CR2: variants seen among roughly 807,000 people sequenced by gnomAD.
CR2 encodes the protein complement C3d receptor 2.
In CR2, 96 loss-of-function variants were observed where a neutral mutation model predicts 123.0. The ratio of observed to expected loss-of-function variants is 0.78; its 90% CI spans 0.66 to 0.93. The LOEUF is 0.93. CR2 is among the 40% of genes least tolerant of loss of function. The pLI, the probability that CR2 is intolerant of heterozygous loss-of-function variation, is 0.00. For synonymous variants in CR2, 484 were observed against 469.5 expected (o/e 1.03, Z -0.40); for missense variants, 1,258 against 1,361.0 (o/e 0.92, Z 1.19).
chr1:207,459,411 C>T (rs935333823), intron 1 of CR2, among the ~76,000 whole-genome samples: 1 of 151,734 alleles, frequency 6.6e-6, no homozygotes, highest in African/African-American at 2.4e-5. Flanking sequence ...AGGCAGGAAA[C>T]CCAGTATTAA....
intron 4 of CR2, 62 bp from the exon 5 acceptor site, chr1:207,469,088 G>C: frequency 1.4e-6 from 2 of 1,449,442 alleles, no homozygotes; most frequent in Non-Finnish European, 1.9e-6. Context: ...ATTGTAAGTA[G>C]AGGCTGCTGT....
intron 1 of CR2, among the ~76,000 whole-genome samples, chr1:207,461,790 A>G (rs961468592): frequency 1.3e-5 from 2 of 152,182 alleles, no homozygotes; most frequent in Non-Finnish European, 2.9e-5. Context: ...GCAGTTCTGT[A>G]AAGGTGAGTA....
intron 14 of CR2, 55 bp downstream of exon 14, chr1:207,475,271 G>A: frequency 6.3e-7 from 1 of 1,591,024 alleles, no homozygotes; most frequent in Non-Finnish European, 8.6e-7. Flanking sequence ...AAAGAAAAGA[G>A]GTTTTGAATC....
chr1:207,458,791 CTTAT>C (rs983574691), intron 1 of CR2, among the ~76,000 whole-genome samples: 1 of 152,174 alleles, frequency 6.6e-6, no homozygotes, highest in African/African-American at 2.4e-5. Flanking sequence ...TCAGCACCTT[CTTAT>C]TTATTTCCTG....
chr1:207,454,372 C>T lies in CR2; in HGVS notation c.-47C>T. 6.6e-7 allele frequency: 1 copy of T among 1,526,046 alleles called. No individual in the cohort carries two copies. The allele number at this position is 1,526,046 out of a possible 1,614,324, so 94.5% of individuals were successfully genotyped here. ...CTTGCCCTCCCAGAGCTGCCGGACG[C>T]TCGCGGGTCTCGGAACGCATCCCGC... On this transcript the variant is annotated 5_prime_UTR_variant, in exon 1 of 20. Coordinates refer to ENST00000367057, the MANE Select transcript of CR2 (RefSeq NM_001006658.3). The surrounding 1 kb of genome is among the most constrained non-coding windows in gnomAD (Gnocchi z 4.3).
chr1:207,479,314 T>C, intron 17 of CR2, 34 bp downstream of exon 17: 1 of 1,513,634 alleles, frequency 6.6e-7, no homozygotes, highest in Non-Finnish European at 9.1e-7. Flanking sequence ...GAAAAGCTCT[T>C]ATAATATTTT....
Position 207,471,499 on chromosome 1 carries a change from G to A in CR2, c.1570G>A (p.Glu524Lys). The change falls in exon 9 of 20, where the codon GAA (glutamate) becomes AAA (lysine). Residue 524 changes from glutamate to lysine, a missense_variant and splice_region_variant. By Grantham distance (56) the Glu-to-Lys change is moderately conservative. Transcript: ENST00000367057. The part of the protein sequence containing the change: ...PWFMEIRLCK[E>K]ITCPPPPVIY... ...GTTTATGGAGATTCGTCTTTGTAAA[G>A]GTGAGTAGCAAAAATGATATAGGAG... 1 of 1,601,862 alleles carries A rather than the reference G, an allele frequency of 6.2e-7. No individual in the cohort carries two copies. The highest frequency in any genetic ancestry group is 8.6e-7 in the Non-Finnish European group (1 of 1,168,978).
At chr1:207,479,312 CT>C in intron 17 of CR2, 32 bp downstream of exon 17, 1 of 1,530,998 alleles carries the variant, frequency 6.5e-7, no homozygotes, top group Non-Finnish European at 9.0e-7. Flanking sequence ...AAGAAAAGCT[CT>C]TATAATATTT....
In CR2 at chr1:207,477,972, C is replaced by T. The variant is rs760387989; in HGVS notation, c.2990C>T (p.Thr997Ile). 86 of 1,614,070 alleles carry T rather than the reference C, an allele frequency of 5.3e-5. No homozygotes were observed. Among genetic ancestry groups the T allele is most frequent in the Non-Finnish European group, 7.3e-5 (86 of 1,179,988 alleles). The part of the protein sequence containing the change: ...RKMYQYGAVV[T>I]LECEDGYMLE... ...ATGTATCAGTATGGAGCTGTTGTAA[C>T]TCTGGAGTGTGAAGATGGGTATATG... Residue 997 changes from threonine (T) to isoleucine (I), a missense_variant, in exon 16 of 20, where the codon ACT becomes ATT. Coordinates refer to ENST00000367057, the MANE Select transcript of CR2 (RefSeq NM_001006658.3).
rs750195504 is a variant in CR2 at position 207,473,204 on chromosome 1, AAGG to A, written c.1978+28_1978+30del. On this transcript the variant is annotated intron_variant, in intron 10 of 19. Coordinates refer to ENST00000367057, the MANE Select transcript of CR2 (RefSeq NM_001006658.3). The stretch of plus-strand genomic sequence containing the variant: ...GGTAAAAACCCAATAAGGGGGAAAA[AAGG>A]AGAGATTTACTTAATTATTCTTGTT... 5.0e-6 allele frequency: 8 copies of A among 1,611,298 alleles called. No homozygotes were observed. In the East Asian group the frequency reaches 1.3e-4, roughly 27 times the overall value.
intron 12 of CR2, 60 bp downstream of exon 12, chr1:207,473,945 G>A: frequency 6.7e-7 from 1 of 1,489,548 alleles, no homozygotes; most frequent in Non-Finnish European, 9.3e-7. Flanking sequence ...GGATTAACTT[G>A]ACCTTCAACT....
At chr1:207,471,201 C>T in intron 8 of CR2, 114 bp downstream of exon 8, 1 of 1,108,034 alleles carries the variant, frequency 9.0e-7, no homozygotes, top group Admixed American at 1.7e-5. Flanking sequence ...GAGTTTGTCT[C>T]ATAGGTGCTT....
chr1:207,478,368 AAATAAT>A (rs559119756), intron 16 of CR2, among the ~76,000 whole-genome samples: 25 of 151,680 alleles, frequency 1.6e-4, no homozygotes, highest in South Asian at 4.2e-4. Flanking sequence ...ACCAAAAAAA[AAATAAT>A]AATAATAACC....
At position 207,475,149 on chromosome 1, in the gene CR2, T is replaced by C. The variant is rs1143665; in HGVS notation, c.2649T>C (p.Gly883=). The change falls in exon 14 of 20, where the codon GGT becomes GGC. Residue 883 remains glycine (G), a synonymous_variant. Transcript: ENST00000367057. ...VDCNPGFIMN[G]SRVIRCHTDN... ...GCAATCCTGGCTTCATCATGAATGGTAGTCGCGTGATTAGGTGTCATACTG... is the reference window on the plus strand; with the variant it reads ...GCAATCCTGGCTTCATCATGAATGGCAGTCGCGTGATTAGGTGTCATACTG... 6,039 of 1,612,874 alleles carry C rather than the reference T, an allele frequency of 3.7e-3. 175 individuals carry two copies. The African/African-American group carries it at 0.067, about 18-fold the overall frequency.
rs1466674494 is a variant in CR2 at position 207,472,983 on chromosome 1, A to C, written c.1782A>C (p.Lys594Asn). 1.2e-6 allele frequency: 2 copies of C among 1,613,942 alleles called. No individual in the cohort carries two copies. The change falls in exon 10 of 20, where the codon AAA (lysine) becomes AAC (asparagine). Residue 594 changes from lysine (K) to asparagine (N), a missense_variant. Transcript: ENST00000367057. ...GGAGTGGCCCTGCTCCCCTGTGTAAACTTTCCCTCCTTGCTGTCCAGTGCT... is the reference window on the plus strand; with the variant it reads ...GGAGTGGCCCTGCTCCCCTGTGTAACCTTTCCCTCCTTGCTGTCCAGTGCT... The part of the protein sequence containing the change: ...GTWSGPAPLC[K>N]LSLLAVQCSH...
chr1:207,488,106 C>A (rs757539546), intron 19 of CR2, among the ~76,000 whole-genome samples: 4 of 152,208 alleles, frequency 2.6e-5, no homozygotes, highest in Non-Finnish European at 1.5e-5. Context: ...TGGGGATGAA[C>A]ATTTGAAGGT....
At chr1:207,456,999 CTCT>C (rs1291223558) in intron 1 of CR2, among the ~76,000 whole-genome samples, 2 of 152,212 alleles carry the variant, frequency 1.3e-5, no homozygotes, top group Admixed American at 6.5e-5. Context: ...TGTTGTGCTT[CTCT>C]GACTCTTGTC....
Position 207,473,994 on chromosome 1 carries a change from A to G in CR2, c.2240+109A>G, listed in dbSNP as rs9429775. On this transcript the variant is annotated intron_variant, in intron 12 of 19. Coordinates refer to ENST00000367057, the MANE Select transcript of CR2 (RefSeq NM_001006658.3). ...TCCTTTAGAGGCTCCTCATTGTCAC[A>G]GGCATGGAGAATATGAGGTTCCAAT... 18,333 of 1,037,728 alleles carry G rather than the reference A, an allele frequency of 0.018. 1,808 individuals carry two copies. In the African/African-American group the frequency reaches 0.23, roughly 13 times the overall value. The allele number at this position is 1,037,728 out of a possible 1,614,324, so 64.3% of individuals were successfully genotyped here. A position where few individuals can be genotyped will look rare whatever the true frequency, so the allele number is the denominator to read the frequency against.
chr1:207,467,779 A>G (rs1658145102), intron 2 of CR2, among the ~76,000 whole-genome samples: 1 of 152,176 alleles, frequency 6.6e-6, no homozygotes, highest in Admixed American at 6.5e-5. Context: ...ATTTAGACAG[A>G]CATATATGTA....
Sources: allele counts gnomAD v4.1 joint callset (sites outside exome capture counted in the v4.1 genomes callset), GRCh38; gene constraint gnomAD v4.1.1; non-coding constraint Gnocchi (gnomAD v3.1); transcripts MANE v1.5; gene names NCBI Gene and HGNC (gene_info 2026-07-23, HGNC 2026-07-21).